The following ZFHX3 variants were observed in gnomAD, a reference collection of about 807,000 sequenced individuals.
ZFHX3 encodes zinc finger homeobox 3.
A neutral mutation model predicts 279.1 loss-of-function variants in ZFHX3; 42 were observed. The ratio of observed to expected loss-of-function variants is 0.15; its 90% CI spans 0.12 to 0.19. ZFHX3 has a LOEUF of 0.19. ZFHX3 is among the 10% of genes least tolerant of loss of function. The probability of loss-of-function intolerance (pLI) is 1.00; values close to 1 mark genes in which losing one functional copy is unlikely to be tolerated. For missense variants in ZFHX3, 4,981 were observed against 4,754.0 expected, an observed-to-expected ratio of 1.05 and a Z score of -1.40; for synonymous variants, 2,293 against 1,957.8, an observed-to-expected ratio of 1.17 and a Z score of -4.52.
In ZFHX3 at chr16:72,798,650, C is replaced by G. The variant is rs2143469925; in HGVS notation, c.4032G>C (p.Leu1344Phe). ...AGCCTGGGTCAGCAGGGGATGGTTTCAAATCTCCGCTTTGCTCTGTGCTTG... is the reference window on the plus strand; with the variant it reads ...AGCCTGGGTCAGCAGGGGATGGTTTGAAATCTCCGCTTTGCTCTGTGCTTG... ...PSASTEQSGD[L>F]KPSPADPGSV... The change falls in exon 9 of 10, where the codon TTG becomes TTC. Residue 1344 changes from leucine (L) to phenylalanine (F), a missense_variant. By Grantham distance (22) the Leu-to-Phe change is conservative. Coordinates refer to ENST00000268489, the MANE Select transcript of ZFHX3 (RefSeq NM_006885.4). 1.2e-6 allele frequency: 2 copies of G among 1,613,226 alleles called. No homozygotes were observed. Among genetic ancestry groups the G allele is most frequent in the South Asian group, 2.2e-5 (2 of 90,982 alleles).
chr16:73,611,214 G>T (rs1315692491), intron 2 of ZFHX3, among the ~76,000 whole-genome samples: 1 of 152,140 alleles, frequency 6.6e-6, no homozygotes, highest in African/African-American at 2.4e-5. Context: ...AGATAGGCAG[G>T]ACAATCATTT....
At chr16:73,590,031 T>A (rs181079020) in intron 2 of ZFHX3, among the ~76,000 whole-genome samples, 2 of 152,272 alleles carry the variant, frequency 1.3e-5, no homozygotes, top group Admixed American at 1.3e-4. Context: ...AGTGTTAGTG[T>A]TGTTATGCTG....
chr16:73,741,792 G>A (rs930440472), intron 1 of ZFHX3, among the ~76,000 whole-genome samples: 15 of 152,270 alleles, frequency 9.9e-5, no homozygotes, highest in Admixed American at 5.9e-4. Context: ...AACTAGGAGG[G>A]AGAGGAAAGA....
chr16:73,633,268 G>C (rs751475239), intron 2 of ZFHX3, among the ~76,000 whole-genome samples: 1 of 152,106 alleles, frequency 6.6e-6, no homozygotes, highest in Non-Finnish European at 1.5e-5. Context: ...ATTTTAAAAG[G>C]GATAGATAAT....
At chr16:72,878,193 A>G (rs1222450120) in intron 4 of ZFHX3, among the ~76,000 whole-genome samples, 2 of 152,144 alleles carry the variant, frequency 1.3e-5, no homozygotes, top group Admixed American at 6.5e-5. Flanking sequence ...AAAGAAAACA[A>G]AAACAAAAAC....
intron 5 of ZFHX3, among the ~76,000 whole-genome samples, chr16:73,223,677 A>G (rs2012497038): frequency 6.6e-6 from 1 of 152,208 alleles, no homozygotes; most frequent in South Asian, 2.1e-4. Context: ...ACTCTTCCAC[A>G]TGATCCAGAA....
chr16:73,690,811 G>A (rs910750018), intron 1 of ZFHX3, among the ~76,000 whole-genome samples: 3 of 152,194 alleles, frequency 2.0e-5, no homozygotes, highest in African/African-American at 4.8e-5. Context: ...AGACAAATGA[G>A]GGAGGTTACC....
At chr16:72,907,532 A>C (rs948055397) in intron 3 of ZFHX3, among the ~76,000 whole-genome samples, 12 of 136,388 alleles carry the variant, frequency 8.8e-5, no homozygotes, top group Admixed American at 2.3e-4. Context: ...CGGTTTCCAA[A>C]GGTTTCCTCT....
At chr16:73,311,698 GA>G in intron 4 of ZFHX3, among the ~76,000 whole-genome samples, 2 of 151,030 alleles carry the variant, frequency 1.3e-5, no homozygotes. Context: ...CTATATTTCT[GA>G]AATACGATAA....
intron 5 of ZFHX3, among the ~76,000 whole-genome samples, chr16:73,249,530 C>G (rs542433414): frequency 1.3e-5 from 2 of 152,284 alleles, no homozygotes; most frequent in Admixed American, 1.3e-4. Flanking sequence ...GATCTCATGA[C>G]TACCACGAGA....
chr16:73,709,324 C>T (rs2053334795), intron 1 of ZFHX3, among the ~76,000 whole-genome samples: 2 of 149,078 alleles, frequency 1.3e-5, no homozygotes, highest in Admixed American at 1.4e-4. Flanking sequence ...ATGATTGCAC[C>T]ACTGCACTCT....
intron 1 of ZFHX3, among the ~76,000 whole-genome samples, chr16:73,760,493 C>G (rs551318104): frequency 9.9e-5 from 15 of 151,928 alleles, no homozygotes; most frequent in South Asian, 2.1e-4. Context: ...GATACCAAAA[C>G]CTGGCAGCAT....
chr16:73,473,365 A>AAAAAAAAAAAAC (rs2018708335), intron 2 of ZFHX3, among the ~76,000 whole-genome samples: 34 of 130,158 alleles, frequency 2.6e-4, no homozygotes, highest in African/African-American at 9.5e-4. Flanking sequence ...AAACAAAAAA[A>AAAAAAAAAAAAC]AAAAAAACAA....
intron 2 of ZFHX3, among the ~76,000 whole-genome samples, chr16:73,583,770 A>G (rs949047143): frequency 3.3e-5 from 5 of 152,224 alleles, no homozygotes; most frequent in Non-Finnish European, 7.3e-5. Flanking sequence ...ATAAAAAACT[A>G]TCTTGAAAGA....
At chr16:73,228,279 T>C (rs1332814062) in intron 5 of ZFHX3, among the ~76,000 whole-genome samples, 1 of 152,226 alleles carries the variant, frequency 6.6e-6, no homozygotes, top group Non-Finnish European at 1.5e-5. Context: ...ATTTTATGAC[T>C]GTAGTGGTAT....
At chr16:73,209,765 T>C (rs2011943368) in intron 5 of ZFHX3, among the ~76,000 whole-genome samples, 1 of 152,218 alleles carries the variant, frequency 6.6e-6, no homozygotes, top group South Asian at 2.1e-4. Context: ...TCATGTAGCT[T>C]CTGGAAAACT....
chr16:73,439,413 G>A lies in ZFHX3; in HGVS notation c.-1291+16590C>T, dbSNP rs553267420. On this transcript the variant is annotated intron_variant, in intron 3 of 17. Coordinates refer to the ZFHX3 transcript ENST00000641206. ...TGACCTTCATCTTGAGATGAAGTGC[G>A]CGTTTAGGAATCACGGACATGGAAT... 5.9e-5 allele frequency among the ~76,000 whole-genome samples: 9 copies of A among 152,098 alleles called. No homozygotes were observed. The East Asian group carries it at 7.8e-4, about 13-fold the overall frequency.
chr16:73,305,196 G>A (rs1350757673), intron 4 of ZFHX3, among the ~76,000 whole-genome samples: 2 of 152,122 alleles, frequency 1.3e-5, no homozygotes, highest in Non-Finnish European at 2.9e-5. Flanking sequence ...GGAGGAAGGT[G>A]GGTGTAAGCT....
At chr16:73,257,334 AG>A (rs2144963779) in intron 4 of ZFHX3, among the ~76,000 whole-genome samples, 1 of 152,294 alleles carries the variant, frequency 6.6e-6, no homozygotes, top group South Asian at 2.1e-4. Context: ...TAAGCTGAAG[AG>A]TTCTGTGTCT....
Sources: gnomAD v4.1 joint callset for allele counts (sites outside exome capture counted in the v4.1 genomes callset) on GRCh38, gnomAD v4.1.1 for gene constraint, MANE v1.5 for transcripts, NCBI Gene and HGNC (gene_info 2026-07-23, HGNC 2026-07-21) for gene names.